Variants in KCNH7 observed in about 807,000 individuals in gnomAD.
KCNH7 encodes potassium voltage-gated channel subfamily H member 7.
KCNH7 carries 49 observed loss-of-function variants against 120.8 expected under a neutral mutation model. That is an observed-to-expected ratio of 0.41 (90% CI 0.32 to 0.51). The LOEUF (loss-of-function observed/expected upper bound fraction) is 0.51, where lower values mean the gene tolerates loss of function less well. Among genes scored for constraint, KCNH7 ranks in the 20% least tolerant of loss-of-function variants. The pLI is 0.38. For missense variants in KCNH7, 1,097 were observed against 1,446.6 expected (o/e 0.76, Z 3.92); for synonymous variants, 547 against 516.1 (o/e 1.06, Z -0.81).
At chr2:162,381,479 T>C (rs1400937776) in intron 13 of KCNH7, among the ~76,000 whole-genome samples, 3 of 152,106 alleles carry the variant, frequency 2.0e-5, no homozygotes, top group Admixed American at 1.3e-4. Context: ...TTCTTCATGG[T>C]TTTCCTCTCA....
rs73014825 is a variant in KCNH7, at chr2:162,372,376, A to G, written c.3325-281T>C. On this transcript the variant is annotated intron_variant, in intron 15 of 15. Coordinates refer to ENST00000332142, the MANE Select transcript of KCNH7 (RefSeq NM_033272.4). The stretch of plus-strand genomic sequence containing the variant: ...TATATTATTTTACATTGAGTTTTCC[A>G]GATGAATTAAATTCGAAATTTAAGA... 4.5e-3 allele frequency among the ~76,000 whole-genome samples: 682 copies of G among 152,268 alleles called. 4 individuals are homozygous for G. Among genetic ancestry groups the G allele is most frequent in the African/African-American group, 0.015 (636 of 41,554 alleles).
At position 162,621,252 on chromosome 2, in the gene KCNH7, C is replaced by CTTTT. The variant is rs35494887; in HGVS notation, c.308-84176_308-84173dup. On this transcript the variant is annotated intron_variant, in intron 2 of 15. Coordinates refer to ENST00000332142, the MANE Select transcript of KCNH7 (RefSeq NM_033272.4). ...TGCTTCACAATCTGGGTATCATCAT[C>CTTTT]TTTTTTTTTTTTTTTTTTTTTTTTT... 5.4e-3 allele frequency among the ~76,000 whole-genome samples: 283 copies of CTTTT among 52,098 alleles called. 73 individuals are homozygous for CTTTT. The highest frequency in any genetic ancestry group is 0.018 in the African/African-American group (223 of 12,358). The allele number at this position is 52,098 out of a possible 152,430, so 34.2% of individuals were successfully genotyped here.
chr2:162,377,226 T>TA (rs1686229403), intron 14 of KCNH7, among the ~76,000 whole-genome samples: 1 of 148,162 alleles, frequency 6.7e-6, no homozygotes, highest in Admixed American at 6.7e-5. Context: ...CGCAGTGGAG[T>TA]AAAAATGTAA....
At chr2:162,599,763 C>T (rs1408464352) in intron 2 of KCNH7, among the ~76,000 whole-genome samples, 1 of 151,826 alleles carries the variant, frequency 6.6e-6, no homozygotes, top group Non-Finnish European at 1.5e-5. Flanking sequence ...CTATGTTTCA[C>T]AAAAATTACA....
At chr2:162,436,059 A>T (rs1387705849) in intron 7 of KCNH7, among the ~76,000 whole-genome samples, 2 of 151,694 alleles carry the variant, frequency 1.3e-5, no homozygotes, top group Non-Finnish European at 2.9e-5. Context: ...TACTGAGGAG[A>T]GAGAGATTTT....
intron 2 of KCNH7, among the ~76,000 whole-genome samples, chr2:162,555,769 T>C (rs1257552051): frequency 6.6e-6 from 1 of 152,108 alleles, no homozygotes; most frequent in African/African-American, 2.4e-5. Context: ...AGCAGCCTTT[T>C]AGTGTCTATA....
intron 3 of KCNH7, among the ~76,000 whole-genome samples, chr2:162,534,576 A>C (rs930183746): frequency 1.3e-5 from 2 of 151,742 alleles, no homozygotes; most frequent in African/African-American, 2.4e-5. Flanking sequence ...TGAGTAGACC[A>C]TTATTAAAGA....
At chr2:162,829,841 C>G (rs1342672784) in intron 2 of KCNH7, among the ~76,000 whole-genome samples, 3 of 131,896 alleles carry the variant, frequency 2.3e-5, no homozygotes, top group Non-Finnish European at 3.2e-5. Flanking sequence ...ATCTTGTTAA[C>G]TTTATCTGTT....
intron 7 of KCNH7, among the ~76,000 whole-genome samples, chr2:162,441,685 G>A (rs544563104): frequency 1.8e-4 from 28 of 152,052 alleles, no homozygotes; most frequent in East Asian, 5.8e-4. Flanking sequence ...AATATGAGGC[G>A]GATAATCAAA....
At chr2:162,703,173 T>C (rs1463232518) in intron 2 of KCNH7, among the ~76,000 whole-genome samples, 3 of 152,136 alleles carry the variant, frequency 2.0e-5, no homozygotes, top group Admixed American at 2.0e-4. Flanking sequence ...TAATAATAGA[T>C]ATGCCACACA....
intron 2 of KCNH7, among the ~76,000 whole-genome samples, chr2:162,717,544 G>T (rs1687171124): frequency 6.6e-6 from 1 of 151,900 alleles, no homozygotes; most frequent in South Asian, 2.1e-4. Flanking sequence ...TGTTCCTTCT[G>T]GTAGGAACAC....
chr2:162,569,429 T>C (rs1291460265), intron 2 of KCNH7, among the ~76,000 whole-genome samples: 2 of 145,678 alleles, frequency 1.4e-5, no homozygotes, highest in African/African-American at 5.1e-5. Flanking sequence ...TTTTTTTCTT[T>C]ATTAGTCTTG....
chr2:162,641,149 C>G (rs1684143159), intron 2 of KCNH7, among the ~76,000 whole-genome samples: 1 of 152,092 alleles, frequency 6.6e-6, no homozygotes, highest in Non-Finnish European at 1.5e-5. Context: ...CGCAGAACTA[C>G]CACATGACCT....
chr2:162,804,699 T>C (rs541920403), intron 2 of KCNH7, among the ~76,000 whole-genome samples: 6 of 151,690 alleles, frequency 4.0e-5, no homozygotes, highest in Admixed American at 3.9e-4. Flanking sequence ...GTCAATGCAA[T>C]TCCCATCAAA....
At chr2:162,468,784 T>A (rs1689393518) in intron 6 of KCNH7, among the ~76,000 whole-genome samples, 1 of 151,976 alleles carries the variant, frequency 6.6e-6, no homozygotes, top group Non-Finnish European at 1.5e-5. Context: ...ACTGACCTCA[T>A]GATCCGCCCG....
In KCNH7 at chr2:162,572,098, G is replaced by A. The variant is rs1402564952; in HGVS notation, c.308-35018C>T. Among the ~76,000 whole-genome samples the A allele has an allele frequency of 6.6e-5, 10 of 151,924 alleles. No homozygotes were observed. The South Asian group carries it at 1.0e-3, about 16-fold the overall frequency. On this transcript the variant is annotated intron_variant, in intron 2 of 15. Coordinates refer to ENST00000332142, the MANE Select transcript of KCNH7 (RefSeq NM_033272.4). Reference sequence around the variant, plus strand: ...GCACAGCAAAAGAAACTACCATCAGGGTGAACAGGCAACCTACAAAATGGG... The same window carrying A: ...GCACAGCAAAAGAAACTACCATCAGAGTGAACAGGCAACCTACAAAATGGG...
chr2:162,519,451 GC>G (rs1691440390), intron 3 of KCNH7, among the ~76,000 whole-genome samples: 1 of 151,746 alleles, frequency 6.6e-6, no homozygotes, highest in African/African-American at 2.4e-5. Flanking sequence ...TTGCATAAAA[GC>G]TTCAAACTTT....
At chr2:162,396,980 G>A (rs1686930374) in intron 10 of KCNH7, 35 bp from the exon 11 acceptor site, 1 of 1,433,178 alleles carries the variant, frequency 7.0e-7, no homozygotes, top group Non-Finnish European at 9.7e-7. Flanking sequence ...GCGGGGAAAG[G>A]GAATCCAAAC....
chr2:162,477,756 T>C (rs1261113188), intron 6 of KCNH7, among the ~76,000 whole-genome samples: 1 of 152,196 alleles, frequency 6.6e-6, no homozygotes, highest in African/African-American at 2.4e-5. Flanking sequence ...GAATTCTGAC[T>C]CTACCTTACC....
Sources: allele counts gnomAD v4.1 joint callset (sites outside exome capture counted in the v4.1 genomes callset), GRCh38; gene constraint gnomAD v4.1.1; transcripts MANE v1.5; gene names NCBI Gene and HGNC (gene_info 2026-07-23, HGNC 2026-07-21).